UPRT: variants seen among roughly 807,000 people sequenced by gnomAD.
UPRT encodes the protein RP11-311P8.3.
Under a neutral mutation model 22.6 loss-of-function variants are expected in UPRT, and 5 were observed. The ratio of observed to expected loss-of-function variants is 0.22; its 90% CI spans 0.12 to 0.47. UPRT has a LOEUF of 0.47. UPRT is among the 20% of genes least tolerant of loss of function. The pLI is 0.99. For synonymous variants in UPRT, 77 were observed against 87.7 expected (o/e 0.88, Z 0.68); for missense variants, 181 against 239.9 (o/e 0.75, Z 1.62).
chrX:75,241,652 T>C (rs2082489002), intron 4 of UPRT, among the ~76,000 whole-genome samples: 1 of 111,563 alleles, frequency 9.0e-6, no homozygotes, highest in Admixed American at 9.6e-5. Context: ...AATTTACAAT[T>C]GCAAAAATGT....
chrX:75,242,168 G>A (rs758837195), intron 4 of UPRT, among the ~76,000 whole-genome samples: 1 of 111,609 alleles, frequency 9.0e-6, no homozygotes, highest in Non-Finnish European at 1.9e-5. Context: ...TATGCAAGGT[G>A]ATACAAATAA....
chrX:75,172,796 T>A (rs891382873), intron 4 of UPRT, among the ~76,000 whole-genome samples: 10 of 110,877 alleles, frequency 9.0e-5, no homozygotes, highest in Non-Finnish European at 3.8e-5. Context: ...GGGCTCGTGG[T>A]CTCGCTGGGC....
chrX:75,300,508 C>T (rs939783420), intron 5 of UPRT, among the ~76,000 whole-genome samples: 5 of 111,682 alleles, frequency 4.5e-5, no homozygotes, highest in Non-Finnish European at 9.4e-5. Flanking sequence ...ATTTTGTGGC[C>T]GCGTGCTGTG....
upstream of UPRT, among the ~76,000 whole-genome samples, chrX:75,270,216 C>T (rs1040466714): frequency 2.5e-4 from 28 of 111,608 alleles, no homozygotes; most frequent in Non-Finnish European, 4.1e-4. Flanking sequence ...TACCATCGCA[C>T]GCCAATTAGA....
intron 4 of UPRT, among the ~76,000 whole-genome samples, chrX:75,196,141 C>A (rs997999180): frequency 8.9e-6 from 1 of 111,759 alleles, no homozygotes; most frequent in Non-Finnish European, 1.9e-5. Flanking sequence ...TTCCAATCCA[C>A]GAATATGAGT....
At chrX:75,200,641 T>C (rs904461930) in intron 4 of UPRT, among the ~76,000 whole-genome samples, 1 of 109,957 alleles carries the variant, frequency 9.1e-6, no homozygotes, top group African/African-American at 3.3e-5. Flanking sequence ...ACATCATTCT[T>C]TTTTTTTTCT....
upstream of UPRT, among the ~76,000 whole-genome samples, chrX:75,272,344 A>G (rs1569279505): frequency 1.2e-5 from 1 of 85,946 alleles, no homozygotes; most frequent in African/African-American, 5.5e-5. Flanking sequence ...ATATATATAT[A>G]CACATATATA....
rs149120159 is a variant in UPRT at position 75,275,485 on chromosome X, G to T, written c.386+845G>T. ...GACATGCCTTGATCTTTTAAAAATG[G>T]CTACTGAATGACAGATGCCACTCCC... On this transcript the variant is annotated intron_variant, in intron 1 of 6. Coordinates refer to ENST00000373383, the MANE Select transcript of UPRT (RefSeq NM_145052.4). 3.3e-3 allele frequency among the ~76,000 whole-genome samples: 364 copies of T among 111,205 alleles called. 1 individual carries two copies. The highest frequency in any genetic ancestry group is 0.011 in the African/African-American group (332 of 30,595).
chrX:75,252,173 C>T (rs949071493), intron 4 of UPRT, among the ~76,000 whole-genome samples: 5 of 112,120 alleles, frequency 4.5e-5, no homozygotes, highest in Non-Finnish European at 9.4e-5. Flanking sequence ...ATGTCTATAA[C>T]ACCAAAAGCA....
At chrX:75,290,926 A>G (rs1260215148) in intron 1 of UPRT, among the ~76,000 whole-genome samples, 3 of 111,434 alleles carry the variant, frequency 2.7e-5, no homozygotes, top group African/African-American at 6.5e-5. Context: ...AAAAACCTGC[A>G]CATGTACCCC....
chrX:75,156,458 G>C (rs1369192605), exon 1 of UPRT: 4 of 516,043 alleles, frequency 7.8e-6, no homozygotes, highest in African/African-American at 7.0e-5. Flanking sequence ...GCCGAGCTTT[G>C]ATTGTTTTCC....
At chrX:75,205,705 A>C (rs1029481739) in intron 4 of UPRT, among the ~76,000 whole-genome samples, 24 of 111,926 alleles carry the variant, frequency 2.1e-4, no homozygotes, top group Non-Finnish European at 3.8e-5. Flanking sequence ...ATCCAGATGC[A>C]GCTCTCTGGT....
At chrX:75,238,287 G>T (rs1460373199) in intron 4 of UPRT, among the ~76,000 whole-genome samples, 2 of 111,067 alleles carry the variant, frequency 1.8e-5, no homozygotes, top group Non-Finnish European at 3.8e-5. Context: ...GGTAGAAAAA[G>T]ATATTCCATA....
rs750399367 is a variant in UPRT, at chrX:75,266,858, C to G, written c.-446-24166C>G. On this transcript the variant is annotated intron_variant, in intron 4 of 13. Transcript: ENST00000652605. The stretch of plus-strand genomic sequence containing the variant: ...AAAAATGCTCATCATCCCTAGCCAT[C>G]AGAGAAATGCAAATCAAAGCCACAG... Among the ~76,000 whole-genome samples the G allele has an allele frequency of 1.4e-4, 16 of 111,757 alleles. No individual in the cohort carries two copies. In the South Asian group the frequency reaches 6.1e-3, roughly 42 times the overall value.
Position 75,226,726 on chromosome X carries a change from C to T in UPRT, c.-447+58847C>T, listed in dbSNP as rs1427328687. ...CTCTCTCTGCCATCACTCTCGATTC[C>T]CTTTCCCTGCTTGCCATCATTTAAT... On this transcript the variant is annotated intron_variant, in intron 4 of 13. Coordinates refer to the UPRT transcript ENST00000652605. 2.7e-5 allele frequency among the ~76,000 whole-genome samples: 3 copies of T among 109,973 alleles called. No individual in the cohort carries two copies. In the Admixed American group the frequency reaches 3.0e-4, roughly 11 times the overall value.
At chrX:75,166,722 C>T (rs2082214184) in intron 3 of UPRT, among the ~76,000 whole-genome samples, 1 of 112,213 alleles carries the variant, frequency 8.9e-6, no homozygotes, top group Non-Finnish European at 1.9e-5. Flanking sequence ...AACAAATTCC[C>T]AGGAGCCCCC....
intron 4 of UPRT, among the ~76,000 whole-genome samples, chrX:75,227,731 G>T (rs893967571): frequency 8.9e-6 from 1 of 112,379 alleles, no homozygotes; most frequent in Non-Finnish European, 1.9e-5. Context: ...CTTACAAAGA[G>T]AATTTCATCT....
chrX:75,262,609 G>T (rs1350202183), intron 4 of UPRT, among the ~76,000 whole-genome samples: 1 of 110,015 alleles, frequency 9.1e-6, no homozygotes, highest in African/African-American at 3.3e-5. Context: ...CAAATGGAAA[G>T]CAAAACAAAC....
chrX:75,251,363 G>T (rs1215153414), intron 4 of UPRT, among the ~76,000 whole-genome samples: 1 of 111,787 alleles, frequency 8.9e-6, no homozygotes, highest in Non-Finnish European at 1.9e-5. Flanking sequence ...CTTCAGCAAA[G>T]TCTCAGGACA....
Sources: gnomAD v4.1 joint callset for allele counts (sites outside exome capture counted in the v4.1 genomes callset) on GRCh38, gnomAD v4.1.1 for gene constraint, MANE v1.5 for transcripts, NCBI Gene and HGNC (gene_info 2026-07-23, HGNC 2026-07-21) for gene names.